The following ANKRD17 variants were observed in gnomAD, a reference collection of about 807,000 sequenced individuals.
ANKRD17 encodes the protein ankyrin repeat domain 17, also known as ankyrin repeat domain-containing protein 17.
ANKRD17 carries 19 observed loss-of-function variants against 229.7 expected under a neutral mutation model. The ratio of observed to expected loss-of-function variants is 0.08; its 90% CI spans 0.06 to 0.12. The LOEUF (loss-of-function observed/expected upper bound fraction) is 0.12, where lower values mean the gene tolerates loss of function less well. ANKRD17 is among the 10% of genes least tolerant of loss of function. The pLI, the probability that ANKRD17 is intolerant of heterozygous loss-of-function variation, is 1.00. For missense variants in ANKRD17, 2,176 were observed against 3,176.8 expected, an observed-to-expected ratio of 0.68 and a Z score of 7.57; for synonymous variants, 1,112 against 1,146.1, an observed-to-expected ratio of 0.97 and a Z score of 0.60.
At chr4:73,097,064 C>T in intron 27 of ANKRD17, 53 bp downstream of exon 27, 2 of 1,550,212 alleles carry the variant, frequency 1.3e-6, no homozygotes, top group African/African-American at 1.4e-5. Context: ...AGGTAGATAA[C>T]ACTTGACTGT....
At chr4:73,249,822 C>G (rs1019126614) in intron 1 of ANKRD17, among the ~76,000 whole-genome samples, 1 of 152,166 alleles carries the variant, frequency 6.6e-6, no homozygotes, top group Non-Finnish European at 1.5e-5. Flanking sequence ...CGCCACTGCA[C>G]TCCAGCCTGG....
chr4:73,136,998 T>TC (rs1214091619), intron 15 of ANKRD17, among the ~76,000 whole-genome samples: 2 of 151,442 alleles, frequency 1.3e-5, no homozygotes, highest in African/African-American at 2.4e-5. Context: ...TTTTTTTTTT[T>TC]TTAAGTCAAA....
intron 1 of ANKRD17, among the ~76,000 whole-genome samples, chr4:73,184,172 TA>T (rs1735953261): frequency 1.3e-5 from 2 of 152,202 alleles, no homozygotes; most frequent in African/African-American, 4.8e-5. Flanking sequence ...ATTACTGCCA[TA>T]CTAGAGAAGA....
At chr4:73,183,147 C>G (rs1161992490) in intron 1 of ANKRD17, among the ~76,000 whole-genome samples, 1 of 152,108 alleles carries the variant, frequency 6.6e-6, no homozygotes, top group Non-Finnish European at 1.5e-5. Flanking sequence ...AAGAACTGTT[C>G]TGAATTACAG....
intron 24 of ANKRD17, among the ~76,000 whole-genome samples, chr4:73,104,542 A>G (rs377401148): frequency 1.7e-4 from 26 of 152,346 alleles, no homozygotes; most frequent in African/African-American, 6.3e-4. Context: ...AAGTCTCTCT[A>G]CTTCAGGATT....
rs56182757 is a variant in ANKRD17 at position 73,179,518 on chromosome 4, ATTTT to A, written c.394-1989_394-1986del. Reference sequence around the variant, plus strand: ...TATATATATATATATATATATATATATTTTTTTTTTTTTTTTTAAAGAGACATGG... The same window carrying A: ...TATATATATATATATATATATATATATTTTTTTTTTTTTAAAGAGACATGG... On this transcript the variant is annotated intron_variant, in intron 1 of 33. Transcript: ENST00000358602. Among the ~76,000 whole-genome samples, 146 of 40,764 alleles carry A rather than the reference ATTTT, an allele frequency of 3.6e-3. 2 individuals carry two copies. The highest frequency in any genetic ancestry group is 8.5e-3 in the African/African-American group (92 of 10,854). 26.7% of individuals were successfully genotyped at this position (40,764 alleles called of 152,430 possible).
chr4:73,214,218 G>T (rs1740698318), intron 1 of ANKRD17, among the ~76,000 whole-genome samples: 1 of 152,178 alleles, frequency 6.6e-6, no homozygotes, highest in South Asian at 2.1e-4. Flanking sequence ...AGGATAGAGT[G>T]ACCTACAGGG....
chr4:73,126,855 C>A (rs1314167096), intron 16 of ANKRD17, among the ~76,000 whole-genome samples: 5 of 152,152 alleles, frequency 3.3e-5, no homozygotes, highest in Non-Finnish European at 5.9e-5. Flanking sequence ...GCCTCAGCTT[C>A]CTGAGTAGCT....
chr4:73,092,066 C>A lies in ANKRD17; in HGVS notation c.5562G>T (p.Val1854=). The A allele has an allele frequency of 6.2e-7, 1 of 1,614,176 alleles. No homozygotes were observed. Among genetic ancestry groups the A allele is most frequent in the Non-Finnish European group, 8.5e-7 (1 of 1,180,046 alleles). The change falls in exon 29 of 34, where the codon GTG becomes GTT. Residue 1854 remains valine (V), a synonymous_variant. Transcript: ENST00000358602. The part of the protein sequence containing the change: ...STSQTATALT[V]PAISSASTHK... ...GAGTGGATGCAGAAGAAATTGCAGG[C>A]ACAGTGAGTGCTGTGGCAGTTTGAG...
At chr4:73,163,776 C>T (rs1732851324) in intron 2 of ANKRD17, among the ~76,000 whole-genome samples, 1 of 152,138 alleles carries the variant, frequency 6.6e-6, no homozygotes, top group Non-Finnish European at 1.5e-5. Context: ...TTAACCATCT[C>T]TGCCTTTAAA....
At chr4:73,165,380 A>T (rs1020874801) in intron 2 of ANKRD17, among the ~76,000 whole-genome samples, 4 of 152,248 alleles carry the variant, frequency 2.6e-5, no homozygotes, top group Non-Finnish European at 4.4e-5. Flanking sequence ...GACATCAGGT[A>T]TACAGGAGGA....
intron 15 of ANKRD17, among the ~76,000 whole-genome samples, chr4:73,138,910 T>C (rs1329513032): frequency 6.6e-6 from 1 of 152,178 alleles, no homozygotes; most frequent in Non-Finnish European, 1.5e-5. Context: ...TCATTTATGA[T>C]ACTTTCAGGG....
intron 1 of ANKRD17, among the ~76,000 whole-genome samples, chr4:73,180,056 G>C (rs1354644026): frequency 1.3e-5 from 2 of 151,916 alleles, no homozygotes; most frequent in Non-Finnish European, 2.9e-5. Flanking sequence ...GTATGAAATT[G>C]AACAGGTAAA....
intron 1 of ANKRD17, among the ~76,000 whole-genome samples, chr4:73,235,131 G>A (rs2149248942): frequency 6.6e-6 from 1 of 152,230 alleles, no homozygotes; most frequent in East Asian, 1.9e-4. Context: ...TTTTCTCCCT[G>A]ACCCCTTTTG....
chr4:73,202,240 CGAT>C (rs1738762552), intron 1 of ANKRD17, among the ~76,000 whole-genome samples: 1 of 132,042 alleles, frequency 7.6e-6, no homozygotes, highest in Non-Finnish European at 1.5e-5. Flanking sequence ...TGAAAAGAAA[CGAT>C]GAAGTCAGTC....
chr4:73,114,501 T>G (rs539526045), intron 23 of ANKRD17, among the ~76,000 whole-genome samples: 1 of 152,142 alleles, frequency 6.6e-6, no homozygotes, highest in East Asian at 1.9e-4. Context: ...CAGGCTTAAA[T>G]GCAGTGGCTA....
intron 2 of ANKRD17, among the ~76,000 whole-genome samples, chr4:73,166,747 A>G (rs555900171): frequency 6.9e-6 from 1 of 144,814 alleles, no homozygotes; most frequent in South Asian, 2.2e-4. Context: ...CTATTTCTTC[A>G]ACAAATAAAT....
intron 1 of ANKRD17, among the ~76,000 whole-genome samples, chr4:73,248,213 G>A (rs975699758): frequency 1.3e-5 from 2 of 151,758 alleles, no homozygotes; most frequent in African/African-American, 2.4e-5. Context: ...TAGAAAAATC[G>A]TACATACAGA....
intron 3 of ANKRD17, among the ~76,000 whole-genome samples, chr4:73,158,007 C>T (rs1307480582): frequency 6.6e-6 from 1 of 151,892 alleles, no homozygotes; most frequent in African/African-American, 2.4e-5. Context: ...AGGAGAATCA[C>T]TTGAACCCAG....
Sources: allele counts gnomAD v4.1 joint callset (sites outside exome capture counted in the v4.1 genomes callset), GRCh38; gene constraint gnomAD v4.1.1; transcripts MANE v1.5; gene names NCBI Gene and HGNC (gene_info 2026-07-23, HGNC 2026-07-21).